The following JAK1 variants were observed in gnomAD, a reference collection of about 807,000 sequenced individuals.
JAK1 encodes the protein Janus kinase 1.
JAK1 carries 16 observed loss-of-function variants against 136.6 expected under a neutral mutation model. The observed-to-expected ratio is 0.12, with a 90% CI of 0.08 to 0.18. The LOEUF (loss-of-function observed/expected upper bound fraction) is 0.18, where lower values mean the gene tolerates loss of function less well. Ranked by LOEUF, JAK1 falls within the 10% of genes least tolerant of loss-of-function variation. The pLI is 1.00. For synonymous variants in JAK1, 492 were observed against 519.5 expected (o/e 0.95, Z 0.72); for missense variants, 859 against 1,450.1 (o/e 0.59, Z 6.62).
chr1:64,835,944 A>G (rs773165401), intron 23 of JAK1, among the ~76,000 whole-genome samples, 154 bp downstream of exon 23: 4 of 152,164 alleles, frequency 2.6e-5, no homozygotes, highest in Non-Finnish European at 5.9e-5. Context: ...TTCACAAATA[A>G]CTGTCAAGTA....
intron 2 of JAK1, among the ~76,000 whole-genome samples, chr1:65,010,655 C>A (rs1424523866): frequency 6.6e-6 from 1 of 152,114 alleles, no homozygotes; most frequent in African/African-American, 2.4e-5. Context: ...TGTTACATGG[C>A]AATAGATAAC....
intron 1 of JAK1, among the ~76,000 whole-genome samples, chr1:64,952,491 C>T (rs1478347749): frequency 6.6e-6 from 1 of 152,140 alleles, no homozygotes; most frequent in African/African-American, 2.4e-5. Flanking sequence ...ATAGGAGTAT[C>T]CTTAACACCT....
chr1:64,878,585 A>G (rs537168664), intron 4 of JAK1, among the ~76,000 whole-genome samples: 735 of 62,792 alleles, frequency 0.012, 13 homozygotes, highest in Non-Finnish European at 0.016. Flanking sequence ...ATATATATAT[A>G]TATATATATA....
chr1:65,038,715 T>C (rs906006303), intron 2 of JAK1, among the ~76,000 whole-genome samples: 1 of 152,144 alleles, frequency 6.6e-6, no homozygotes, highest in African/African-American at 2.4e-5. Context: ...CTTGGCTCAC[T>C]GCAACCTCCG....
At chr1:65,021,083 G>T (rs479774) in intron 2 of JAK1, among the ~76,000 whole-genome samples, 3 of 151,906 alleles carry the variant, frequency 2.0e-5, no homozygotes, top group Admixed American at 6.6e-5. Flanking sequence ...CTCCTTGTTG[G>T]TGAACCCAAC....
rs776594227 is a variant in JAK1, at chr1:64,837,945, T to A, written c.3127A>T (p.Ser1043Cys). ...TGATTCAGTTACCAAAACACAGGGCTGTCCCGGTCATCCTTGACGGTGTAA... is the reference window on the plus strand; with the variant it reads ...TGATTCAGTTACCAAAACACAGGGCAGTCCCGGTCATCCTTGACGGTGTAA... ...EYYTVKDDRDSPVFWYAPECL... is the reference protein window; with the variant it reads ...EYYTVKDDRDCPVFWYAPECL... The change falls in exon 22 of 25, where the codon AGC becomes TGC. Residue 1043 changes from serine to cysteine, a missense_variant. Ser to Cys is a moderately radical substitution (Grantham distance 112, BLOSUM62 -1). Transcript: ENST00000342505. 1 of 1,613,390 alleles carries A rather than the reference T, an allele frequency of 6.2e-7. No individual in the cohort carries two copies. Among genetic ancestry groups the A allele is most frequent in the South Asian group, 1.1e-5 (1 of 91,024 alleles).
chr1:64,993,804 C>A (rs1211347981), intron 2 of JAK1, among the ~76,000 whole-genome samples: 1 of 152,110 alleles, frequency 6.6e-6, no homozygotes, highest in Non-Finnish European at 1.5e-5. Context: ...CACCATCACG[C>A]CCGGCTAATT....
intron 1 of JAK1, among the ~76,000 whole-genome samples, chr1:64,957,529 G>T (rs892717054): frequency 6.6e-5 from 10 of 152,354 alleles, no homozygotes; most frequent in Middle Eastern, 3.4e-3. Context: ...GTGTACTGCA[G>T]GCCGGGTGCA....
intron 1 of JAK1, among the ~76,000 whole-genome samples, chr1:64,902,360 G>A (rs565480313): frequency 1.5e-4 from 23 of 152,214 alleles, no homozygotes; most frequent in African/African-American, 5.3e-4. Context: ...TGCCATAGAT[G>A]TTAAGACAGA....
At chr1:64,993,155 C>T (rs1646673630) in intron 2 of JAK1, 1 of 152,176 alleles carries the variant, frequency 6.6e-6, no homozygotes, top group South Asian at 2.1e-4. Flanking sequence ...GAAAAGGGAA[C>T]GCTCATTGTT....
At chr1:64,934,525 A>G (rs1489253641) in intron 1 of JAK1, among the ~76,000 whole-genome samples, 2 of 152,210 alleles carry the variant, frequency 1.3e-5, no homozygotes, top group East Asian at 1.9e-4. Context: ...CTTGGCAGCC[A>G]TTACGAAATG....
chr1:65,005,356 A>G (rs1646795762), intron 2 of JAK1, among the ~76,000 whole-genome samples: 1 of 152,130 alleles, frequency 6.6e-6, no homozygotes, highest in South Asian at 2.1e-4. Context: ...AAAAAAAAAA[A>G]AAGTGAATTT....
At chr1:64,846,385 A>G (rs913833724) in intron 14 of JAK1, among the ~76,000 whole-genome samples, 21 of 151,180 alleles carry the variant, frequency 1.4e-4, no homozygotes, top group African/African-American at 4.7e-4. Context: ...CACTCACCTC[A>G]GCCTCCCAGG....
chr1:64,851,210 G>C (rs1655570197), intron 11 of JAK1, among the ~76,000 whole-genome samples: 1 of 152,212 alleles, frequency 6.6e-6, no homozygotes, highest in Non-Finnish European at 1.5e-5. Flanking sequence ...GGTAAGAAAG[G>C]TCAGAAACAG....
At chr1:64,857,578 C>T in intron 10 of JAK1, 78 bp downstream of exon 10, 1 of 1,572,604 alleles carries the variant, frequency 6.4e-7, no homozygotes, top group South Asian at 1.2e-5. Context: ...GTGGTTCTGT[C>T]TGCAGCAGCT....
chr1:64,864,188 G>C (rs954679677), intron 8 of JAK1, among the ~76,000 whole-genome samples: 1 of 152,172 alleles, frequency 6.6e-6, no homozygotes, highest in Non-Finnish European at 1.5e-5. Context: ...CTCACCAGCC[G>C]CTCTCTCTGC....
intron 7 of JAK1, 113 bp from the exon 8 acceptor site, chr1:64,865,085 C>T (rs1391049090): frequency 2.5e-6 from 2 of 790,424 alleles, no homozygotes; most frequent in Non-Finnish European, 4.0e-6. Context: ...GAAGAGAAAG[C>T]CAGCTCTTCT....
Position 64,867,227 on chromosome 1 carries a change from G to A in JAK1, c.648-19C>T. ...CTTGTAGCTAAAAGACAGTAGAAAAGTACATCTCCTTTTCATGTACAGGTT... is the reference window on the plus strand; with the variant it reads ...CTTGTAGCTAAAAGACAGTAGAAAAATACATCTCCTTTTCATGTACAGGTT... On this transcript the variant is annotated intron_variant, in intron 6 of 24. Transcript: ENST00000342505. 1 of 1,534,190 alleles carries A rather than the reference G, an allele frequency of 6.5e-7. No individual in the cohort carries two copies. Among genetic ancestry groups the A allele is most frequent in the African/African-American group, 1.4e-5 (1 of 72,976 alleles).
chr1:65,042,843 C>T (rs1454261664), intron 2 of JAK1, among the ~76,000 whole-genome samples: 4 of 152,186 alleles, frequency 2.6e-5, no homozygotes, highest in Non-Finnish European at 5.9e-5. Context: ...ACACCTCTAT[C>T]GCATGGGCAT....
Sources: allele counts gnomAD v4.1 joint callset (sites outside exome capture counted in the v4.1 genomes callset), GRCh38; gene constraint gnomAD v4.1.1; transcripts MANE v1.5; gene names NCBI Gene and HGNC (gene_info 2026-07-23, HGNC 2026-07-21).